Variants in FBXL18 observed in about 807,000 individuals in gnomAD.
The protein encoded by FBXL18 is F-box/LRR-repeat protein 18.
Under a neutral mutation model 46.0 loss-of-function variants are expected in FBXL18, and 36 were observed. The ratio of observed to expected loss-of-function variants is 0.78; its 90% CI spans 0.60 to 1.03. The LOEUF is 1.03. FBXL18 is among the 50% of genes least tolerant of loss of function. The probability of loss-of-function intolerance (pLI) is 0.00; values close to 1 mark genes in which losing one functional copy is unlikely to be tolerated. For missense variants in FBXL18, 977 were observed against 1,004.1 expected, an observed-to-expected ratio of 0.97 and a Z score of 0.36; for synonymous variants, 557 against 465.3, an observed-to-expected ratio of 1.20 and a Z score of -2.54.
chr7:5,482,529 C>G (rs957214671), intron 4 of FBXL18, among the ~76,000 whole-genome samples: 1 of 149,088 alleles, frequency 6.7e-6, no homozygotes, highest in African/African-American at 2.5e-5. Context: ...AGGCGACCAG[C>G]CCCCGCCACG....
chr7:5,472,959 T>C (rs1783453788), downstream of FBXL18, among the ~76,000 whole-genome samples: 1 of 152,116 alleles, frequency 6.6e-6, no homozygotes, highest in South Asian at 2.1e-4. Context: ...CACATGTTCC[T>C]CTGAAGGAAG....
In FBXL18 at chr7:5,464,663, CA is replaced by C. The variant is rs774631633; in HGVS notation, c.2001-16821del. Among the ~76,000 whole-genome samples the C allele has an allele frequency of 7.7e-3, 227 of 29,506 alleles. 1 individual carries two copies. Among genetic ancestry groups the C allele is most frequent in the African/African-American group, 0.021 (152 of 7,144 alleles). 19.4% of individuals were successfully genotyped at this position (29,506 alleles called of 152,430 possible). On this transcript the variant is annotated intron_variant and NMD_transcript_variant, in intron 4 of 6. Coordinates refer to the FBXL18 transcript ENST00000415009. Reference sequence around the variant, plus strand: ...GGGCCAATGAGCAAAACTCTTATCTCAAAAAAAAAAAAAAAAAAAACACTAA... The same window carrying C: ...GGGCCAATGAGCAAAACTCTTATCTCAAAAAAAAAAAAAAAAAAACACTAA...
chr7:5,456,810 T>C (rs1408535050), intron 4 of FBXL18, among the ~76,000 whole-genome samples: 1 of 152,148 alleles, frequency 6.6e-6, no homozygotes. Flanking sequence ...GTCATCCAGG[T>C]TGGAGTGCAG....
intron 4 of FBXL18, among the ~76,000 whole-genome samples, chr7:5,454,952 G>T (rs1007412606): frequency 4.3e-4 from 66 of 152,326 alleles, no homozygotes; most frequent in African/African-American, 1.6e-3. Context: ...GGTAGAGTTT[G>T]CTTACCAATG....
intron 4 of FBXL18, among the ~76,000 whole-genome samples, chr7:5,490,795 T>G (rs1039995514): frequency 1.3e-5 from 2 of 152,118 alleles, no homozygotes; most frequent in African/African-American, 4.8e-5. Flanking sequence ...TGAAACCCTA[T>G]CTTTACTAAA....
rs117059439 is a variant in FBXL18 at position 5,490,335 on chromosome 7, C to A, written c.2000+896G>T. ...CGTCCTCCTGAGAGGTCTTGAAATGCGTCACTCCCCACATCGCCTACCAAG... is the reference window on the plus strand; with the variant it reads ...CGTCCTCCTGAGAGGTCTTGAAATGAGTCACTCCCCACATCGCCTACCAAG... On this transcript the variant is annotated intron_variant, in intron 4 of 4. Coordinates refer to ENST00000382368, the MANE Select transcript of FBXL18 (RefSeq NM_024963.6). 5.2e-3 allele frequency: 5,509 copies of A among 1,060,186 alleles called. 21 individuals are homozygous for A. The highest frequency in any genetic ancestry group is 5.8e-3 in the Non-Finnish European group (4,928 of 851,880). The allele number at this position is 1,060,186 out of a possible 1,614,324, so 65.7% of individuals were successfully genotyped here.
In FBXL18 at chr7:5,501,407, G is replaced by T. The variant is rs372836919; in HGVS notation, c.862C>A (p.Arg288Ser). 9.3e-6 allele frequency: 15 copies of T among 1,613,756 alleles called. No homozygotes were observed. The highest frequency in any genetic ancestry group is 1.3e-5 in the Non-Finnish European group (15 of 1,180,018). The stretch of plus-strand genomic sequence containing the variant: ...TGCAGGGCATCCAGCACGACATTGC[G>T]CGCCATGGAGTCCAGGAGGTTCTTG... The part of the protein sequence containing the change: ...ATKNLLDSMA[R>S]NVVLDALQLP... Residue 288 changes from arginine (R) to serine (S), a missense_variant, in exon 3 of 5, where the codon CGC (arginine) becomes AGC (serine). Transcript: ENST00000382368.
At chr7:5,485,693 A>G (rs1427120096) in intron 4 of FBXL18, among the ~76,000 whole-genome samples, 2 of 152,074 alleles carry the variant, frequency 1.3e-5, no homozygotes, top group East Asian at 3.9e-4. Flanking sequence ...AGATCATCTG[A>G]GGTCGGGAGT....
At position 5,491,334 on chromosome 7, in the gene FBXL18, C is replaced by A. The variant is rs775372581; in HGVS notation, c.1897G>T (p.Val633Leu). 6.2e-7 allele frequency: 1 copy of A among 1,611,922 alleles called. No individual in the cohort carries two copies. The highest frequency in any genetic ancestry group is 8.5e-7 in the Non-Finnish European group (1 of 1,179,510). The stretch of plus-strand genomic sequence containing the variant: ...AGGCAGCGAGCCATGAAGGCCAGCA[C>A]GGCATCGGGCTGGAGGGTGCCGCTG... ...SRSGTLQPDA[V>L]LAFMARCLQV... is the part of the protein sequence containing the mutation. The change falls in exon 4 of 5, where the codon GTG becomes TTG. Residue 633 changes from valine (V) to leucine (L), a missense_variant. Physicochemically the swap from Val to Leu is conservative, Grantham distance 32 (BLOSUM62 1). Transcript: ENST00000382368.
chr7:5,507,346 A>G (rs1378197778), intron 1 of FBXL18, among the ~76,000 whole-genome samples: 1 of 152,130 alleles, frequency 6.6e-6, no homozygotes, highest in East Asian at 1.9e-4. Context: ...CCATCCTGCT[A>G]AGCCCTCGCC....
intron 3 of FBXL18, among the ~76,000 whole-genome samples, chr7:5,492,499 TG>T (rs1323754505): frequency 3.3e-5 from 5 of 151,754 alleles, no homozygotes; most frequent in African/African-American, 1.2e-4. Context: ...AGGGACGGGC[TG>T]AGGCGAATGG....
intron 3 of FBXL18, among the ~76,000 whole-genome samples, chr7:5,498,757 G>C (rs545738231): frequency 6.6e-6 from 1 of 152,118 alleles, no homozygotes; most frequent in South Asian, 2.1e-4. Context: ...GTTTTTGGTA[G>C]AAACAGAGTT....
intron 4 of FBXL18, among the ~76,000 whole-genome samples, chr7:5,463,728 A>ATTTATTTATTTTTTTTTT (rs1562672288): frequency 5.7e-5 from 3 of 53,034 alleles, no homozygotes; most frequent in Non-Finnish European, 1.0e-4. Context: ...TTATTTATTT[A>ATTTATTTATTTTTTTTTT]TTTTTTTTTT....
rs1384959911 is a variant in FBXL18 at position 5,497,551 on chromosome 7, GGC to G, written c.1781+2935_1781+2936del. ...GTGGGAGGAGGTCGAGAGGGAGGGT[GGC>G]GCCAAGCTGGCTGCATGGCCGGGGG... On this transcript the variant is annotated intron_variant, in intron 3 of 4. Coordinates refer to ENST00000382368, the MANE Select transcript of FBXL18 (RefSeq NM_024963.6). Among the ~76,000 whole-genome samples the G allele has an allele frequency of 2.6e-5, 4 of 152,336 alleles. No homozygotes were observed. In the East Asian group the frequency reaches 7.7e-4, roughly 29 times the overall value.
downstream of FBXL18, among the ~76,000 whole-genome samples, chr7:5,474,169 G>C (rs1476660538): frequency 6.6e-6 from 1 of 152,134 alleles, no homozygotes; most frequent in Admixed American, 6.5e-5. Flanking sequence ...TGGGTGCCTG[G>C]GGCTGAGGGA....
downstream of FBXL18, among the ~76,000 whole-genome samples, chr7:5,473,654 A>G (rs1247905109): frequency 6.6e-6 from 1 of 150,806 alleles, no homozygotes; most frequent in African/African-American, 2.4e-5. Context: ...CCAGCTACTC[A>G]GGAGGCTGAG....
At chr7:5,502,844 A>G (rs1356712504) in intron 2 of FBXL18, among the ~76,000 whole-genome samples, 1 of 152,028 alleles carries the variant, frequency 6.6e-6, no homozygotes, top group East Asian at 1.9e-4. Flanking sequence ...AAAAAAAAAA[A>G]AAAACGGTTT....
intron 4 of FBXL18, among the ~76,000 whole-genome samples, chr7:5,456,638 G>A: frequency 1.0e-5 from 1 of 96,806 alleles, no homozygotes; most frequent in African/African-American, 3.1e-5. Context: ...CTTAAGGTAT[G>A]GAAAAAAAAA....
chr7:5,486,442 A>C (rs1783779433), intron 4 of FBXL18, among the ~76,000 whole-genome samples: 2 of 151,806 alleles, frequency 1.3e-5, no homozygotes, highest in Admixed American at 1.3e-4. Flanking sequence ...AACAACAACA[A>C]AGAAAACAAA....
Sources: allele counts gnomAD v4.1 joint callset (sites outside exome capture counted in the v4.1 genomes callset), GRCh38; gene constraint gnomAD v4.1.1; transcripts MANE v1.5; gene names NCBI Gene and HGNC (gene_info 2026-07-23, HGNC 2026-07-21).